Variants in ELP4 observed in about 807,000 individuals in gnomAD.
The protein encoded by ELP4 is elongator acetyltransferase complex subunit 4.
In ELP4, 51 loss-of-function variants were observed where a neutral mutation model predicts 48.9. The ratio of observed to expected loss-of-function variants is 1.04; its 90% confidence interval spans 0.83 to 1.32. The LOEUF (loss-of-function observed/expected upper bound fraction) is 1.32. Ranked by LOEUF, ELP4 falls within the 40% of genes most tolerant of loss-of-function variation. The pLI, the probability that ELP4 is intolerant of heterozygous loss-of-function variation, is 0.00. For synonymous variants in ELP4, 210 were observed against 189.2 expected, an observed-to-expected ratio of 1.11 and a Z score of -0.90; for missense variants, 519 against 514.6, an observed-to-expected ratio of 1.01 and a Z score of -0.08.
At chr11:31,660,615 A>C (rs145078194) in intron 9 of ELP4, among the ~76,000 whole-genome samples, 3 of 152,274 alleles carry the variant, frequency 2.0e-5, no homozygotes, top group Non-Finnish European at 2.9e-5. Flanking sequence ...TTTTAAGGGA[A>C]AATTGCTTAC....
intron 9 of ELP4, among the ~76,000 whole-genome samples, chr11:31,704,710 T>C (rs1192821149): frequency 6.6e-6 from 1 of 152,118 alleles, no homozygotes; most frequent in East Asian, 1.9e-4. Context: ...TACTCTTGTT[T>C]ATGACTTAAA....
At chr11:31,647,555 G>A in intron 7 of ELP4, 186 bp from the exon 8 acceptor site, 2 of 481,974 alleles carry the variant, frequency 4.1e-6, no homozygotes, top group South Asian at 3.0e-5. Context: ...ACATGGGCCA[G>A]CATTTTCAAT....
intron 9 of ELP4, chr11:31,663,742 A>C (rs1030077930): frequency 6.6e-6 from 1 of 151,930 alleles, no homozygotes; most frequent in African/African-American, 2.4e-5. Flanking sequence ...CTGAAGTTTA[A>C]AGGGTGAATA....
At chr11:31,558,264 A>G (rs986355679) in intron 3 of ELP4, among the ~76,000 whole-genome samples, 3 of 152,114 alleles carry the variant, frequency 2.0e-5, no homozygotes, top group African/African-American at 4.8e-5. Flanking sequence ...GCAAAGGCTC[A>G]GTACTGCTTC....
chr11:31,633,952 A>C (rs1301767861), intron 7 of ELP4: 1 of 152,000 alleles, frequency 6.6e-6, no homozygotes, highest in Non-Finnish European at 1.5e-5. Context: ...CCTGACTTCA[A>C]ACCTTATCAC....
intron 9 of ELP4, among the ~76,000 whole-genome samples, chr11:31,774,878 ATC>A (rs1271893987): frequency 2.0e-5 from 3 of 152,362 alleles, no homozygotes; most frequent in African/African-American, 7.2e-5. Context: ...AAGTTCATGT[ATC>A]TCTCACATAA....
chr11:31,710,709 G>A (rs1046318042), intron 9 of ELP4, among the ~76,000 whole-genome samples: 5 of 151,946 alleles, frequency 3.3e-5, no homozygotes, highest in Non-Finnish European at 5.9e-5. Context: ...GAAGAAAAGA[G>A]TTCATTGGCA....
At chr11:31,782,834 A>G (rs1017398135) in intron 9 of ELP4, among the ~76,000 whole-genome samples, 5 of 152,148 alleles carry the variant, frequency 3.3e-5, no homozygotes, top group African/African-American at 1.2e-4. Flanking sequence ...GGTTGGTATC[A>G]TTTTTTTATG....
intron 3 of ELP4, among the ~76,000 whole-genome samples, chr11:31,550,320 G>C (rs764100184): frequency 6.6e-6 from 1 of 151,956 alleles, no homozygotes; most frequent in Non-Finnish European, 1.5e-5. Context: ...AGAATTTGGC[G>C]CATGATGGAT....
chr11:31,748,758 C>T (rs1395754441), intron 9 of ELP4, among the ~76,000 whole-genome samples: 1 of 151,670 alleles, frequency 6.6e-6, no homozygotes, highest in Non-Finnish European at 1.5e-5. Context: ...AACCACAGCA[C>T]TTTGGGAGGC....
chr11:31,513,390 C>T (rs1211538914), intron 1 of ELP4, among the ~76,000 whole-genome samples: 1 of 152,008 alleles, frequency 6.6e-6, no homozygotes. Flanking sequence ...AAAATAACTG[C>T]AATTAAATTT....
intron 9 of ELP4, among the ~76,000 whole-genome samples, chr11:31,738,740 CA>C (rs764596251): frequency 1.3e-3 from 179 of 135,818 alleles, no homozygotes; most frequent in African/African-American, 2.8e-3. Context: ...GACCTTGTCT[CA>C]AAAAAAAAAA....
intron 9 of ELP4, among the ~76,000 whole-genome samples, chr11:31,695,946 T>C (rs2134147851): frequency 6.6e-6 from 1 of 152,196 alleles, no homozygotes. Context: ...TTTTCTAGTT[T>C]ATTTGTGTAG....
Position 31,785,694 on chromosome 11 carries a change from T to C in ELP4, c.*2170T>C, listed in dbSNP as rs374309046. On this transcript the variant is annotated 3_prime_UTR_variant, in exon 10 of 10. Transcript: ENST00000640961. ...GGTGTGTATTTTTGTCTTCCTCTGA[T>C]AAAAACGCACTCTGAAAATGTGTTT... 28 of 193,378 alleles carry C rather than the reference T, an allele frequency of 1.4e-4. No individual in the cohort carries two copies. In the South Asian group the frequency reaches 5.2e-3, roughly 36 times the overall value. 12.0% of individuals were successfully genotyped at this position (193,378 alleles called of 1,614,324 possible). A position where few individuals can be genotyped will look rare whatever the true frequency, so the allele number is the denominator to read the frequency against.
At chr11:31,610,242 G>C (rs976403468) in intron 5 of ELP4, among the ~76,000 whole-genome samples, 7 of 152,184 alleles carry the variant, frequency 4.6e-5, no homozygotes, top group Admixed American at 1.3e-4. Flanking sequence ...CTGCCTATCT[G>C]TTTAGCTGCT....
At chr11:31,666,284 C>A (rs1296113459) in intron 9 of ELP4, among the ~76,000 whole-genome samples, 1 of 151,752 alleles carries the variant, frequency 6.6e-6, no homozygotes, top group Admixed American at 6.6e-5. Context: ...GTTGGGATTA[C>A]AGGCATGAGC....
intron 9 of ELP4, among the ~76,000 whole-genome samples, chr11:31,744,911 A>C (rs1947546280): frequency 6.6e-6 from 1 of 152,170 alleles, no homozygotes; most frequent in African/African-American, 2.4e-5. Context: ...AGGGGAAGGA[A>C]ATAAAGGGTA....
intron 8 of ELP4, 67 bp downstream of exon 8, chr11:31,647,916 A>G (rs1357188067): frequency 4.7e-6 from 4 of 851,922 alleles, no homozygotes; most frequent in Non-Finnish European, 8.0e-6. Flanking sequence ...GAAGCATCCT[A>G]TTCAATCCAA....
chr11:31,583,410 T>C (rs542729739), intron 3 of ELP4, among the ~76,000 whole-genome samples: 50 of 152,232 alleles, frequency 3.3e-4, no homozygotes, highest in Middle Eastern at 3.4e-3. Flanking sequence ...TTTCTAACAG[T>C]AGAGAAATGA....
Sources: gnomAD v4.1 joint callset for allele counts (sites outside exome capture counted in the v4.1 genomes callset) on GRCh38, gnomAD v4.1.1 for gene constraint, MANE v1.5 for transcripts, NCBI Gene and HGNC (gene_info 2026-07-23, HGNC 2026-07-21) for gene names.